The following CDH11 variants were observed in gnomAD, a reference collection of about 807,000 sequenced individuals.
The protein encoded by CDH11 is cadherin-11.
A neutral mutation model predicts 67.8 loss-of-function variants in CDH11; 11 were observed. The observed-to-expected ratio is 0.16, with a 90% CI of 0.10 to 0.27. The LOEUF is 0.27. CDH11 is among the 10% of genes least tolerant of loss of function. The pLI, the probability that CDH11 is intolerant of heterozygous loss-of-function variation, is 1.00. For missense variants in CDH11, 847 were observed against 1,031.2 expected (o/e 0.82, Z 2.45); for synonymous variants, 419 against 400.0 (o/e 1.05, Z -0.57).
intron 1 of CDH11, among the ~76,000 whole-genome samples, chr16:65,067,064 G>A (rs1404208039): frequency 6.6e-6 from 1 of 152,128 alleles, no homozygotes; most frequent in Non-Finnish European, 1.5e-5. Flanking sequence ...GGAGGCTTCT[G>A]CAGATTCCTA....
rs1014011749 is a variant in CDH11 at position 64,945,479 on chromosome 16, C to G, written c.*2124G>C. The G allele has an allele frequency of 1.9e-6, 2 of 1,034,372 alleles. No individual in the cohort carries two copies. The highest frequency in any genetic ancestry group is 3.4e-5 in the African/African-American group (2 of 59,464). 64.1% of individuals were successfully genotyped at this position (1,034,372 alleles called of 1,614,324 possible). On this transcript the variant is annotated 3_prime_UTR_variant, in exon 13 of 13. Transcript: ENST00000268603. ...TGACAGGGTTACTTACAGCTGTATA[C>G]TTATTTAAATGCTATTCATATTCCT...
chr16:65,008,425 T>A (rs1038753166), intron 2 of CDH11, among the ~76,000 whole-genome samples: 24 of 152,352 alleles, frequency 1.6e-4, no homozygotes, highest in African/African-American at 5.5e-4. Context: ...TGTATAAGAC[T>A]GATTTTAAGA....
chr16:65,031,887 G>C (rs1253100671), intron 2 of CDH11, among the ~76,000 whole-genome samples: 1 of 152,150 alleles, frequency 6.6e-6, no homozygotes, highest in East Asian at 1.9e-4. Flanking sequence ...TTTGGTGTCT[G>C]TCCCTTGGTC....
intron 6 of CDH11, 148 bp downstream of exon 6, chr16:64,991,620 T>G: frequency 1.8e-6 from 1 of 545,252 alleles, no homozygotes; most frequent in South Asian, 3.0e-5. Flanking sequence ...GTCTTGTTTT[T>G]GTGTTTTGTT....
intron 1 of CDH11, among the ~76,000 whole-genome samples, chr16:65,077,974 G>T (rs531200368): frequency 9.2e-4 from 140 of 152,338 alleles, no homozygotes; most frequent in African/African-American, 3.2e-3. Flanking sequence ...ACAGAGACGG[G>T]TAAGTTTTCT....
chr16:65,101,829 C>G (rs2074997215), intron 1 of CDH11, among the ~76,000 whole-genome samples: 1 of 152,174 alleles, frequency 6.6e-6, no homozygotes, highest in Non-Finnish European at 1.5e-5. Context: ...CTGTGTCTAC[C>G]TTGTCAACCC....
chr16:65,121,924 T>A lies in CDH11; in HGVS notation c.-342A>T. ...ACGCAACCTCCGAGCCGCCAGTCCC[T>A]GGCGCAGGGCAAGCGCTGCGGTGTC... On this transcript the variant is annotated 5_prime_UTR_variant, in exon 1 of 13. Coordinates refer to ENST00000268603, the MANE Select transcript of CDH11 (RefSeq NM_001797.4). This position sits in a 1 kb window ranked among gnomAD's most constrained non-coding sequence, Gnocchi z 4.1. 1.4e-6 allele frequency: 1 copy of A among 701,760 alleles called. No homozygotes were observed. Among genetic ancestry groups the A allele is most frequent in the South Asian group, 1.5e-5 (1 of 67,574 alleles). The allele number at this position is 701,760 out of a possible 1,614,324, so 43.5% of individuals were successfully genotyped here. A position where few individuals can be genotyped will look rare whatever the true frequency, so the allele number is the denominator to read the frequency against.
At chr16:65,091,745 G>A (rs542159214) in intron 1 of CDH11, among the ~76,000 whole-genome samples, 9 of 151,942 alleles carry the variant, frequency 5.9e-5, no homozygotes, top group East Asian at 5.8e-4. Context: ...TAGAGACAGC[G>A]TTTCACCGTG....
chr16:64,991,503 G>T, intron 6 of CDH11: 1 of 416,554 alleles, frequency 2.4e-6, no homozygotes, highest in Non-Finnish European at 4.4e-6. Context: ...CTACTACCAA[G>T]CAAAATACTT....
chr16:65,030,630 G>A (rs2073624119), intron 2 of CDH11, among the ~76,000 whole-genome samples: 1 of 152,096 alleles, frequency 6.6e-6, no homozygotes, highest in African/African-American at 2.4e-5. Flanking sequence ...GAGTGGAGTG[G>A]GGCCGTTTCG....
intron 1 of CDH11, among the ~76,000 whole-genome samples, chr16:65,116,929 A>G (rs952122382): frequency 6.6e-6 from 1 of 152,212 alleles, no homozygotes; most frequent in Non-Finnish European, 1.5e-5. Context: ...AACCTCGACC[A>G]TACAGACTGT....
At chr16:65,073,470 T>C (rs1028488680) in intron 1 of CDH11, among the ~76,000 whole-genome samples, 1 of 152,154 alleles carries the variant, frequency 6.6e-6, no homozygotes, top group Admixed American at 6.6e-5. Flanking sequence ...TTAGTAGAGA[T>C]GGGGTTTCAC....
At chr16:65,104,055 T>C (rs902218808) in intron 1 of CDH11, among the ~76,000 whole-genome samples, 1 of 152,176 alleles carries the variant, frequency 6.6e-6, no homozygotes, top group Non-Finnish European at 1.5e-5. Flanking sequence ...AGAGTTATCA[T>C]GAAATTACAA....
chr16:65,104,336 G>C (rs1387372230), intron 1 of CDH11, among the ~76,000 whole-genome samples: 1 of 152,144 alleles, frequency 6.6e-6, no homozygotes, highest in East Asian at 1.9e-4. Flanking sequence ...CACGGAACTT[G>C]GAGACAAATT....
At chr16:65,091,567 T>G (rs2074792945) in intron 1 of CDH11, among the ~76,000 whole-genome samples, 1 of 151,656 alleles carries the variant, frequency 6.6e-6, no homozygotes, top group South Asian at 2.1e-4. Flanking sequence ...TTTTTTTTTT[T>G]TTGAGACGGA....
At chr16:64,990,065 AT>A (rs1324621272) in intron 6 of CDH11, among the ~76,000 whole-genome samples, 3 of 152,214 alleles carry the variant, frequency 2.0e-5, no homozygotes, top group Admixed American at 6.5e-5. Flanking sequence ...TTAAAAAAAA[AT>A]GTCCTATGTG....
intron 1 of CDH11, among the ~76,000 whole-genome samples, chr16:65,078,406 G>T (rs1392332576): frequency 6.6e-6 from 1 of 152,148 alleles, no homozygotes; most frequent in Admixed American, 6.6e-5. Flanking sequence ...TATCCCCGTA[G>T]TGACAGGAAA....
At chr16:65,013,061 C>T (rs531719358) in intron 2 of CDH11, among the ~76,000 whole-genome samples, 1 of 152,310 alleles carries the variant, frequency 6.6e-6, no homozygotes, top group East Asian at 1.9e-4. Context: ...TATAAATGGT[C>T]TCCCATGCAT....
intron 7 of CDH11, among the ~76,000 whole-genome samples, chr16:64,984,040 C>T (rs1287028635): frequency 6.6e-6 from 1 of 152,164 alleles, no homozygotes; most frequent in Non-Finnish European, 1.5e-5. Flanking sequence ...AGTTTCACAT[C>T]CCAAGCTAGG....
Sources: allele counts gnomAD v4.1 joint callset (sites outside exome capture counted in the v4.1 genomes callset), GRCh38; gene constraint gnomAD v4.1.1; non-coding constraint Gnocchi (gnomAD v3.1); transcripts MANE v1.5; gene names NCBI Gene and HGNC (gene_info 2026-07-23, HGNC 2026-07-21).